The following GLE1 variants were observed in gnomAD, a reference collection of about 807,000 sequenced individuals.
GLE1 encodes GLE1 RNA export mediator, also known as mRNA export factor GLE1.
In GLE1, 78 loss-of-function variants were observed where a neutral mutation model predicts 97.3. That is an observed-to-expected ratio of 0.80 (90% CI 0.67 to 0.97). The LOEUF is 0.97. Ranked by LOEUF, GLE1 falls within the 50% of genes least tolerant of loss-of-function variation. GLE1 has a pLI of 0.00. For missense variants in GLE1, 753 were observed against 857.5 expected (o/e 0.88, Z 1.52); for synonymous variants, 302 against 313.4 (o/e 0.96, Z 0.39).
At chr9:128,515,306 A>G (rs914910102) in intron 2 of GLE1, among the ~76,000 whole-genome samples, 2 of 152,206 alleles carry the variant, frequency 1.3e-5, no homozygotes, top group African/African-American at 4.8e-5. Context: ...AACCCAAAAA[A>G]TCACCCAAAG....
At chr9:128,540,557 A>G (rs1847855973) in intron 15 of GLE1, 1 of 569,002 alleles carries the variant, frequency 1.8e-6, no homozygotes, top group South Asian at 2.0e-5. Context: ...TGAGAAAGCT[A>G]TGCTGAGATG....
Position 128,505,343 on chromosome 9 carries a change from G to A in GLE1, c.99+439G>A, listed in dbSNP as rs550163740. Among the ~76,000 whole-genome samples, 9 of 152,268 alleles carry A rather than the reference G, an allele frequency of 5.9e-5. No homozygotes were observed. The South Asian group carries it at 1.2e-3, about 21-fold the overall frequency. On this transcript the variant is annotated intron_variant, in intron 1 of 15. Transcript: ENST00000309971. ...TGGCAGACCTGGAAAGTGAATGGGGGCGTGGTCACCGTACCTAGCATTTGC... is the reference window on the plus strand; with the variant it reads ...TGGCAGACCTGGAAAGTGAATGGGGACGTGGTCACCGTACCTAGCATTTGC...
In GLE1 at chr9:128,528,332, C is replaced by T. The variant is rs539542242; in HGVS notation, c.1312+807C>T. On this transcript the variant is annotated intron_variant, in intron 9 of 15. Transcript: ENST00000309971. ...TTTTTTTTTTTTTTTGAGATGTAGT[C>T]TTGCTCTGTCACCCAGACTGGAGTG... Among the ~76,000 whole-genome samples the T allele has an allele frequency of 7.1e-5, 9 of 127,544 alleles. No individual in the cohort carries two copies. The South Asian group carries it at 2.0e-3, about 28-fold the overall frequency. 83.7% of individuals were successfully genotyped at this position (127,544 alleles called of 152,430 possible). A position where few individuals can be genotyped will look rare whatever the true frequency, so the allele number is the denominator to read the frequency against.
At chr9:128,528,404 C>T (rs573056012) in intron 9 of GLE1, among the ~76,000 whole-genome samples, 1 of 151,076 alleles carries the variant, frequency 6.6e-6, no homozygotes, top group East Asian at 2.0e-4. Flanking sequence ...CCCGGGTTCA[C>T]GCCATTCTCC....
chr9:128,538,979 T>G (rs1285006738), intron 13 of GLE1, among the ~76,000 whole-genome samples: 2 of 151,934 alleles, frequency 1.3e-5, no homozygotes, highest in African/African-American at 4.8e-5. Context: ...GTCAGCCAGG[T>G]GCAGTGGCTG....
intron 9 of GLE1, among the ~76,000 whole-genome samples, chr9:128,530,412 C>T (rs555967431): frequency 6.6e-6 from 1 of 152,156 alleles, no homozygotes; most frequent in Non-Finnish European, 1.5e-5. Flanking sequence ...ATGACTGCTG[C>T]CTCTCTTTCA....
At chr9:128,538,848 A>G (rs1847803480) in intron 13 of GLE1, among the ~76,000 whole-genome samples, 1 of 152,180 alleles carries the variant, frequency 6.6e-6, no homozygotes, top group South Asian at 2.1e-4. Flanking sequence ...GGAGTGAGCC[A>G]TTGCACTCAG....
At chr9:128,536,812 A>G (rs1057492497) in intron 12 of GLE1, 18 of 329,194 alleles carry the variant, frequency 5.5e-5, no homozygotes, top group Non-Finnish European at 1.8e-5. Context: ...CTTAGAAGCC[A>G]TCTAGATCAC....
intron 9 of GLE1, among the ~76,000 whole-genome samples, chr9:128,530,127 TTCTC>T (rs759937243): frequency 6.6e-6 from 1 of 152,120 alleles, no homozygotes; most frequent in Admixed American, 6.6e-5. Context: ...GTTCTTTTCG[TTCTC>T]TCTACTTACA....
chr9:128,519,669 T>C (rs1402888212), intron 3 of GLE1, among the ~76,000 whole-genome samples: 4 of 152,160 alleles, frequency 2.6e-5, no homozygotes, highest in Non-Finnish European at 5.9e-5. Context: ...TGTGGTCCTG[T>C]GATCTCGCGA....
chr9:128,533,784 C>T lies in GLE1; in HGVS notation c.1479C>T (p.Ala493=), dbSNP rs748234813. The T allele has an allele frequency of 8.7e-6, 14 of 1,614,106 alleles. No homozygotes were observed. The highest frequency in any genetic ancestry group is 1.1e-5 in the Non-Finnish European group (13 of 1,179,948). ...AGAAACAAGGCGAGGAGGAAGTGGC[C>T]TCTCACCATGAAGCAGCATTCCCCA... ...KFVKQGEEEV[A]SHHEAAFPIA... Residue 493 remains alanine (A), a synonymous_variant, in exon 11 of 16, where the codon GCC becomes GCT. Coordinates refer to ENST00000309971, the MANE Select transcript of GLE1 (RefSeq NM_001003722.2).
At chr9:128,515,427 G>A in intron 2 of GLE1, 102 bp from the exon 3 acceptor site, 1 of 714,108 alleles carries the variant, frequency 1.4e-6, no homozygotes, top group South Asian at 1.5e-5. Flanking sequence ...ATTGGTGGTT[G>A]TTCATAAGTT....
chr9:128,531,573 T>A (rs1180299501), intron 9 of GLE1, among the ~76,000 whole-genome samples: 1 of 149,632 alleles, frequency 6.7e-6, no homozygotes, highest in Non-Finnish European at 1.5e-5. Context: ...GGCTCACACC[T>A]GTAATCCCAG....
In GLE1 at chr9:128,504,901, C is replaced by G; in HGVS notation, c.96C>G (p.Arg32=). 6.2e-7 allele frequency: 1 copy of G among 1,603,522 alleles called. No individual in the cohort carries two copies. Among genetic ancestry groups the G allele is most frequent in the Non-Finnish European group, 8.5e-7 (1 of 1,170,554 alleles). Residue 32 remains arginine (R), a synonymous_variant, in exon 1 of 16, where the codon CGC becomes CGG. Coordinates refer to ENST00000309971, the MANE Select transcript of GLE1 (RefSeq NM_001003722.2). ...LCYYRDWLLR[R]EDVLEECMSL... ...ACTACCGCGACTGGCTGCTGCGGCGCGAGGTGAGCGGTGGCCCCGGAGGAC... is the reference window on the plus strand; with the variant it reads ...ACTACCGCGACTGGCTGCTGCGGCGGGAGGTGAGCGGTGGCCCCGGAGGAC...
At chr9:128,511,362 T>G (rs1463676513) in intron 2 of GLE1, among the ~76,000 whole-genome samples, 1 of 151,112 alleles carries the variant, frequency 6.6e-6, no homozygotes, top group East Asian at 1.9e-4. Context: ...TTTTAGCAAC[T>G]GAACGTCTTA....
chr9:128,504,857 G>A lies in GLE1; in HGVS notation c.52G>A (p.Asp18Asn). Residue 18 changes from aspartate to asparagine, a missense_variant, in exon 1 of 16, where the codon GAC (aspartate) becomes AAC (asparagine). Asp to Asn is a conservative substitution (Grantham distance 23). Transcript: ENST00000309971. ...GACCTTGAAGGCCCTACGCAGTTCCGACAAAGGTCGCCTTTGCTACTACCG... is the reference window on the plus strand; with the variant it reads ...GACCTTGAAGGCCCTACGCAGTTCCAACAAAGGTCGCCTTTGCTACTACCG... ...WETLKALRSS[D>N]KGRLCYYRDW... 6.2e-7 allele frequency: 1 copy of A among 1,613,690 alleles called. No homozygotes were observed. Among genetic ancestry groups the A allele is most frequent in the Non-Finnish European group, 8.5e-7 (1 of 1,179,610 alleles).
At position 128,516,325 on chromosome 9, in the gene GLE1, T is replaced by C. The variant is rs79459790; in HGVS notation, c.432+686T>C. ...AATTTATTTGATTGTATTTTGTTTT[T>C]GTTTTTGTTTTTGAGATGGAGTCTT... On this transcript the variant is annotated intron_variant, in intron 3 of 15. Coordinates refer to ENST00000309971, the MANE Select transcript of GLE1 (RefSeq NM_001003722.2). Among the ~76,000 whole-genome samples the C allele has an allele frequency of 4.8e-3, 737 of 152,132 alleles. 5 individuals are homozygous for C. The highest frequency in any genetic ancestry group is 0.017 in the African/African-American group (699 of 41,486).
In GLE1 at chr9:128,533,903, C is replaced by A. The variant is rs747468354; in HGVS notation, c.1598C>A (p.Pro533His). Residue 533 changes from proline to histidine, a missense_variant, in exon 11 of 16, where the codon CCT becomes CAT. Pro to His is a moderately conservative substitution (Grantham distance 77, BLOSUM62 -2). Coordinates refer to ENST00000309971, the MANE Select transcript of GLE1 (RefSeq NM_001003722.2). Reference protein sequence around the residue: ...HLHKKCPYSVPFYPTFKEGMA... With the variant: ...HLHKKCPYSVHFYPTFKEGMA... ...CATAAGAAGTGTCCTTACTCTGTTC[C>A]TTTCTATCCCACTTTCAAGGAGGGA... is the stretch of plus-strand genomic sequence containing the variant. The A allele has an allele frequency of 6.2e-6, 10 of 1,613,526 alleles. No homozygotes were observed. Among genetic ancestry groups the A allele is most frequent in the Non-Finnish European group, 8.5e-6 (10 of 1,179,554 alleles).
At position 128,523,865 on chromosome 9, in the gene GLE1, T is replaced by A. The variant is rs1352822665; in HGVS notation, c.897+19T>A. 6.2e-7 allele frequency: 1 copy of A among 1,613,404 alleles called. No individual in the cohort carries two copies. The highest frequency in any genetic ancestry group is 8.5e-7 in the Non-Finnish European group (1 of 1,179,660). ...TTCAGAGGTGAGGGGGGCTTCAGAG[T>A]GACTCTTTGCTGTCTTTGAAATGGA... is the stretch of plus-strand genomic sequence containing the variant. On this transcript the variant is annotated intron_variant, in intron 6 of 15. Coordinates refer to ENST00000309971, the MANE Select transcript of GLE1 (RefSeq NM_001003722.2).
Sources: gnomAD v4.1 joint callset for allele counts (sites outside exome capture counted in the v4.1 genomes callset) on GRCh38, gnomAD v4.1.1 for gene constraint, MANE v1.5 for transcripts, NCBI Gene and HGNC (gene_info 2026-07-23, HGNC 2026-07-21) for gene names.